Variants in METTL2A observed in about 807,000 individuals in gnomAD.
METTL2A encodes tRNA N(3)-cytidine methyltransferase METTL2A.
Under a neutral mutation model 49.4 loss-of-function variants are expected in METTL2A, and 45 were observed. The observed-to-expected ratio is 0.91, with a 90% CI of 0.72 to 1.17. METTL2A has a LOEUF of 1.17. Among genes scored for constraint, METTL2A ranks in the 50% most tolerant of loss-of-function variants. The probability of loss-of-function intolerance (pLI) is 0.00; values close to 1 mark genes in which losing one functional copy is unlikely to be tolerated. For missense variants in METTL2A, 361 were observed against 462.2 expected, an observed-to-expected ratio of 0.78 and a Z score of 2.01; for synonymous variants, 118 against 167.5, an observed-to-expected ratio of 0.70 and a Z score of 2.28.
At position 62,448,772 on chromosome 17, in the gene METTL2A, G is replaced by C; in HGVS notation, c.*43G>C. On this transcript the variant is annotated 3_prime_UTR_variant, in exon 9 of 9. Transcript: ENST00000311506. ...CACGATGCAAGCCCATTGTGTTTCC[G>C]GGCTTTTTTAAAAAAAAAATTGTAG... 15 of 1,602,518 alleles carry C rather than the reference G, an allele frequency of 9.4e-6. No homozygotes were observed. Among genetic ancestry groups the C allele is most frequent in the Non-Finnish European group, 1.2e-5 (14 of 1,173,728 alleles).
chr17:62,446,619 C>CT (rs953110404), intron 7 of METTL2A, among the ~76,000 whole-genome samples: 2 of 152,130 alleles, frequency 1.3e-5, no homozygotes, highest in Admixed American at 1.3e-4. Context: ...GGCTTACAGC[C>CT]TTTTTTTAAG....
intron 4 of METTL2A, among the ~76,000 whole-genome samples, chr17:62,430,851 GTAT>G (rs913819017): frequency 2.0e-5 from 3 of 150,970 alleles, no homozygotes; most frequent in African/African-American, 4.9e-5. Flanking sequence ...GCTAATTTTT[GTAT>G]TATTGATTGA....
At chr17:62,424,037 G>A (rs769133514) in intron 1 of METTL2A, 25 bp downstream of exon 1, 3 of 1,609,500 alleles carry the variant, frequency 1.9e-6, no homozygotes, top group African/African-American at 1.3e-5. Flanking sequence ...CCTTCGCCCG[G>A]CCTGTCGCTG....
intron 6 of METTL2A, among the ~76,000 whole-genome samples, chr17:62,441,635 C>A (rs112870599): frequency 6.6e-6 from 1 of 151,182 alleles, no homozygotes; most frequent in Non-Finnish European, 1.5e-5. Flanking sequence ...TTAGTAGATG[C>A]GGGGTTTCAC....
At chr17:62,441,428 A>G (rs764158155) in intron 6 of METTL2A, among the ~76,000 whole-genome samples, 1 of 152,040 alleles carries the variant, frequency 6.6e-6, no homozygotes, top group Non-Finnish European at 1.5e-5. Context: ...GTAATGTCTC[A>G]TTATTGGATT....
chr17:62,449,539 C>T lies in METTL2A; in HGVS notation c.*810C>T, dbSNP rs1451521713. The T allele has an allele frequency of 9.0e-5, 32 of 355,174 alleles. No individual in the cohort carries two copies. Among genetic ancestry groups the T allele is most frequent in the South Asian group, 3.1e-4 (15 of 48,276 alleles). 22.0% of individuals were successfully genotyped at this position (355,174 alleles called of 1,614,324 possible). A position where few individuals can be genotyped will look rare whatever the true frequency, so the allele number is the denominator to read the frequency against. ...CAGCGTGGCCAACATGGTGAAACCCCGTCTCTACTAAAGATAAAAAAATTA... is the reference window on the plus strand; with the variant it reads ...CAGCGTGGCCAACATGGTGAAACCCTGTCTCTACTAAAGATAAAAAAATTA... On this transcript the variant is annotated 3_prime_UTR_variant, in exon 9 of 9. Coordinates refer to ENST00000311506, the MANE Select transcript of METTL2A (RefSeq NM_181725.4).
chr17:62,436,661 T>C (rs1292940797), intron 5 of METTL2A, among the ~76,000 whole-genome samples: 1 of 152,224 alleles, frequency 6.6e-6, no homozygotes, highest in Non-Finnish European at 1.5e-5. Context: ...TGCCTTGATA[T>C]TGATGGCTGC....
intron 5 of METTL2A, among the ~76,000 whole-genome samples, chr17:62,438,660 G>C (rs1404786249): frequency 2.7e-5 from 4 of 150,446 alleles, no homozygotes; most frequent in Non-Finnish European, 5.9e-5. Flanking sequence ...CATGCTTTTA[G>C]AATTATTATT....
At chr17:62,436,307 G>C (rs1240412737) in intron 5 of METTL2A, among the ~76,000 whole-genome samples, 1 of 152,006 alleles carries the variant, frequency 6.6e-6, no homozygotes, top group African/African-American at 2.4e-5. Flanking sequence ...AACACTTTGG[G>C]AGGCTGAGGC....
In METTL2A at chr17:62,451,143, C is replaced by T. The variant is rs950772206; in HGVS notation, c.*2414C>T. On this transcript the variant is annotated 3_prime_UTR_variant, in exon 9 of 9. Coordinates refer to ENST00000311506, the MANE Select transcript of METTL2A (RefSeq NM_181725.4). ...GCTGGGTAATGTAGCAAGACCCTGA[C>T]TTTTTTTTTTTTTTTTTTTTGAGAC... Among the ~76,000 whole-genome samples the T allele has an allele frequency of 2.9e-5, 3 of 102,096 alleles. No homozygotes were observed. The highest frequency in any genetic ancestry group is 9.7e-5 in the African/African-American group (3 of 30,984). The allele number at this position is 102,096 out of a possible 152,430, so 67.0% of individuals were successfully genotyped here.
intron 4 of METTL2A, among the ~76,000 whole-genome samples, chr17:62,429,258 A>G (rs2070648557): frequency 6.6e-6 from 1 of 151,332 alleles, no homozygotes; most frequent in Non-Finnish European, 1.5e-5. Flanking sequence ...ACCCCAGGTC[A>G]TCTCATTAAA....
rs1244050469 is a variant in METTL2A at position 62,435,221 on chromosome 17, G to A, written c.609-11G>A. On this transcript the variant is annotated splice_polypyrimidine_tract_variant and intron_variant, in intron 4 of 8. Transcript: ENST00000311506. ...GTAGTCTCATTGTTCTGTCTTTTCT[G>A]CCCATTTCAGTGACCCAGGACTCTT... 6.2e-7 allele frequency: 1 copy of A among 1,613,832 alleles called. No homozygotes were observed.
At chr17:62,428,628 A>G (rs2070644185) in intron 4 of METTL2A, among the ~76,000 whole-genome samples, 1 of 152,146 alleles carries the variant, frequency 6.6e-6, no homozygotes. Context: ...ACTTACATTT[A>G]TGTGTTTGTT....
rs767320950 is a variant in METTL2A, at chr17:62,452,139, G to T, written c.*3410G>T. On this transcript the variant is annotated 3_prime_UTR_variant, in exon 9 of 9. Coordinates refer to ENST00000311506, the MANE Select transcript of METTL2A (RefSeq NM_181725.4). ...GTGTCTCAGTCTCCTTCAGTCTACGGGTTAGGCTTGCTTTTGCACCTTTGC... is the reference window on the plus strand; with the variant it reads ...GTGTCTCAGTCTCCTTCAGTCTACGTGTTAGGCTTGCTTTTGCACCTTTGC... 4.9e-4 allele frequency among the ~76,000 whole-genome samples: 75 copies of T among 152,202 alleles called. No individual in the cohort carries two copies. Among genetic ancestry groups the T allele is most frequent in the Non-Finnish European group, 8.7e-4 (59 of 68,036 alleles).
chr17:62,429,360 G>C (rs1460772486), intron 4 of METTL2A, among the ~76,000 whole-genome samples: 1 of 151,988 alleles, frequency 6.6e-6, no homozygotes, highest in Non-Finnish European at 1.5e-5. Flanking sequence ...GCACAATCTC[G>C]ACTCATTGCA....
At position 62,444,848 on chromosome 17, in the gene METTL2A, C is replaced by CT. The variant is rs1208699960; in HGVS notation, c.822dup (p.Ile275TyrfsTer23). 6.2e-7 allele frequency: 1 copy of CT among 1,613,786 alleles called. No homozygotes were observed. Among genetic ancestry groups the CT allele is most frequent in the African/African-American group, 1.3e-5 (1 of 74,918 alleles). On this transcript the variant is annotated frameshift_variant, in exon 7 of 9. Coordinates refer to ENST00000311506, the MANE Select transcript of METTL2A (RefSeq NM_181725.4). LOFTEE classifies it high-confidence loss of function. ...CTGCTGCTCCACAGGATGCAGAAGGCTATCAACAGGCTGAGCAGGCTTCTG... is the reference window on the plus strand; with the variant it reads ...CTGCTGCTCCACAGGATGCAGAAGGCTTATCAACAGGCTGAGCAGGCTTCTG...
At chr17:62,425,218 A>G (rs1401228360) in intron 2 of METTL2A, among the ~76,000 whole-genome samples, 1 of 151,572 alleles carries the variant, frequency 6.6e-6, no homozygotes, top group Non-Finnish European at 1.5e-5. Flanking sequence ...TGAGTTGTTA[A>G]CACACTTCTT....
intron 6 of METTL2A, 102 bp from the exon 7 acceptor site, chr17:62,444,735 G>T (rs1033369346): frequency 7.5e-5 from 80 of 1,072,524 alleles, no homozygotes; most frequent in Non-Finnish European, 1.0e-4. Flanking sequence ...GACTTGGTGT[G>T]TCAGTTGAGG....
chr17:62,447,216 T>C (rs1256705700), intron 7 of METTL2A, among the ~76,000 whole-genome samples: 1 of 152,034 alleles, frequency 6.6e-6, no homozygotes, highest in South Asian at 2.1e-4. Flanking sequence ...GTGAGGAGTT[T>C]GAGACCAGCC....
Sources: allele counts gnomAD v4.1 joint callset (sites outside exome capture counted in the v4.1 genomes callset), GRCh38; gene constraint gnomAD v4.1.1; transcripts MANE v1.5; gene names NCBI Gene and HGNC (gene_info 2026-07-23, HGNC 2026-07-21).